PRKCH: variants seen among roughly 807,000 people sequenced by gnomAD.
The protein encoded by PRKCH is protein kinase C eta type.
In PRKCH, 28 loss-of-function variants were observed where a neutral mutation model predicts 82.5. The observed-to-expected ratio is 0.34, with a 90% CI of 0.25 to 0.47. The LOEUF (loss-of-function observed/expected upper bound fraction) is 0.47, where lower values mean the gene tolerates loss of function less well. Ranked by LOEUF, PRKCH falls within the 20% of genes least tolerant of loss-of-function variation. PRKCH has a pLI of 1.00. For synonymous variants in PRKCH, 322 were observed against 327.4 expected (o/e 0.98, Z 0.18); for missense variants, 705 against 881.8 (o/e 0.80, Z 2.54).
intron 1 of PRKCH, among the ~76,000 whole-genome samples, chr14:61,373,824 A>G (rs2046394516): frequency 6.6e-6 from 1 of 152,016 alleles, no homozygotes; most frequent in South Asian, 2.1e-4. Flanking sequence ...GCTGGTCGCA[A>G]ACTTCTGACC....
chr14:61,411,423 T>C (rs1882263756), intron 2 of PRKCH, among the ~76,000 whole-genome samples: 3 of 152,158 alleles, frequency 2.0e-5, no homozygotes, highest in Admixed American at 1.3e-4. Flanking sequence ...TTAAAACCTA[T>C]AGGGGGACTT....
At chr14:61,504,900 T>C (rs1887069988) in intron 10 of PRKCH, among the ~76,000 whole-genome samples, 1 of 152,186 alleles carries the variant, frequency 6.6e-6, no homozygotes, top group Non-Finnish European at 1.5e-5. Context: ...ATTCATTTAC[T>C]CATTCAACAA....
intron 1 of PRKCH, among the ~76,000 whole-genome samples, chr14:61,258,178 T>C (rs528342629): frequency 6.6e-6 from 1 of 152,296 alleles, no homozygotes; most frequent in East Asian, 1.9e-4. Context: ...ATGGAAACCA[T>C]GTTTATGGTC....
intron 1 of PRKCH, among the ~76,000 whole-genome samples, chr14:61,375,859 G>C (rs2046421971): frequency 6.6e-6 from 1 of 151,820 alleles, no homozygotes; most frequent in Non-Finnish European, 1.5e-5. Flanking sequence ...TATTTTGAAG[G>C]CTTGTGTGGC....
chr14:61,451,302 T>A (rs1262785207), intron 6 of PRKCH, among the ~76,000 whole-genome samples: 2 of 152,152 alleles, frequency 1.3e-5, no homozygotes, highest in African/African-American at 4.8e-5. Context: ...GGAAGATGGT[T>A]GAGTCAGGTG....
At chr14:61,429,423 C>A (rs1223412487) in intron 2 of PRKCH, among the ~76,000 whole-genome samples, 2 of 152,176 alleles carry the variant, frequency 1.3e-5, no homozygotes, top group African/African-American at 4.8e-5. Context: ...CATATGCTCT[C>A]GTCCACTGTT....
chr14:61,278,685 T>C (rs2140090545), intron 1 of PRKCH: 1 of 152,286 alleles, frequency 6.6e-6, no homozygotes. Flanking sequence ...CAAAGGGTTT[T>C]AAGTTATTTT....
intron 2 of PRKCH, among the ~76,000 whole-genome samples, chr14:61,440,114 GGTGATAACAGAGGCTGGATAGAGA>G (rs1883886224): frequency 6.6e-6 from 1 of 152,156 alleles, no homozygotes; most frequent in Non-Finnish European, 1.5e-5. Flanking sequence ...GTCTCAGGCT[GGTGATAACAGAGGCTGGATAGAGA>G]GTGATACCAT....
chr14:61,516,617 G>T (rs17098664), intron 10 of PRKCH, among the ~76,000 whole-genome samples: 29,216 of 152,110 alleles, frequency 0.19, 2,987 homozygotes, highest in South Asian at 0.31. Flanking sequence ...TGGGGCCGGA[G>T]TGAGTGCTCA....
At chr14:61,241,669 G>A (rs1339120917) in intron 1 of PRKCH, among the ~76,000 whole-genome samples, 1 of 152,174 alleles carries the variant, frequency 6.6e-6, no homozygotes, top group Non-Finnish European at 1.5e-5. Flanking sequence ...TGATCAACTT[G>A]GTGAAACCTA....
chr14:61,485,744 G>C (rs1009707858), intron 10 of PRKCH, 88 bp downstream of exon 10: 1 of 1,445,262 alleles, frequency 6.9e-7, no homozygotes, highest in South Asian at 1.3e-5. Flanking sequence ...ATGATAATCA[G>C]TTGAAACCTT....
intron 6 of PRKCH, among the ~76,000 whole-genome samples, chr14:61,451,756 G>A (rs185286214): frequency 1.8e-3 from 271 of 152,284 alleles, no homozygotes; most frequent in African/African-American, 6.3e-3. Flanking sequence ...ACCCCAAGTC[G>A]CCAGTTGAGG....
chr14:61,434,449 GA>G (rs200895142), intron 2 of PRKCH, among the ~76,000 whole-genome samples: 3 of 149,576 alleles, frequency 2.0e-5, no homozygotes, highest in Non-Finnish European at 3.0e-5. Flanking sequence ...CTGTTAATGA[GA>G]AAAAAAAACA....
At chr14:61,341,330 C>T (rs2045927915) in intron 1 of PRKCH, among the ~76,000 whole-genome samples, 1 of 152,190 alleles carries the variant, frequency 6.6e-6, no homozygotes, top group Non-Finnish European at 1.5e-5. Flanking sequence ...GAAGATACTC[C>T]TTTGTAATTT....
intron 4 of PRKCH, 76 bp from the exon 5 acceptor site, chr14:61,449,087 GC>G (rs1884365156): frequency 1.5e-6 from 2 of 1,371,520 alleles, no homozygotes; most frequent in Non-Finnish European, 1.0e-6. Context: ...GCACGGTGCA[GC>G]CCTGGTTGAC....
rs1318150241 is a variant in PRKCH, at chr14:61,215,841, G to T, written c.-19+28173G>T. ...CAAAGCTTTCTAAATATCTGCCAAA[G>T]AATGGGTCCCATTCTTCAAGCTGTA... On this transcript the variant is annotated intron_variant, in intron 1 of 3. Coordinates refer to the PRKCH transcript ENST00000555185. Among the ~76,000 whole-genome samples, 10 of 152,246 alleles carry T rather than the reference G, an allele frequency of 6.6e-5. No homozygotes were observed. The East Asian group carries it at 1.7e-3, about 27-fold the overall frequency.
rs202119762 is a variant in PRKCH, at chr14:61,243,367, GAGAA to G, written c.-19+55703_-19+55706del. ...GAATGGAGATCGAGCCTGGGCGACA[GAGAA>G]AGACTCTGTCTCAAAAAAAAAAAAA... On this transcript the variant is annotated intron_variant, in intron 1 of 3. Transcript: ENST00000555185. 5.1e-3 allele frequency among the ~76,000 whole-genome samples: 608 copies of G among 118,702 alleles called. 4 individuals are homozygous for G. Among genetic ancestry groups the G allele is most frequent in the African/African-American group, 0.019 (584 of 30,816 alleles). 77.9% of individuals were successfully genotyped at this position (118,702 alleles called of 152,430 possible). A position where few individuals can be genotyped will look rare whatever the true frequency, so the allele number is the denominator to read the frequency against.
At chr14:61,491,340 G>A (rs1343647399) in intron 10 of PRKCH, among the ~76,000 whole-genome samples, 2 of 152,192 alleles carry the variant, frequency 1.3e-5, no homozygotes, top group Admixed American at 1.3e-4. Context: ...GTACTGCAGA[G>A]ACTACTACAA....
At chr14:61,453,625 TCCTC>T (rs1358060173) in intron 7 of PRKCH, among the ~76,000 whole-genome samples, 1 of 148,198 alleles carries the variant, frequency 6.7e-6, no homozygotes, top group Admixed American at 6.7e-5. Context: ...TTTCCTTCCT[TCCTC>T]CCTTCCCCTT....
Sources: gnomAD v4.1 joint callset for allele counts (sites outside exome capture counted in the v4.1 genomes callset) on GRCh38, gnomAD v4.1.1 for gene constraint, MANE v1.5 for transcripts, NCBI Gene and HGNC (gene_info 2026-07-23, HGNC 2026-07-21) for gene names.